Variants in KIAA0232 observed in about 807,000 individuals in gnomAD.
The protein encoded by KIAA0232 is uncharacterized protein KIAA0232.
KIAA0232 carries 27 observed loss-of-function variants against 122.0 expected under a neutral mutation model. The observed-to-expected ratio is 0.22, with a 90% CI of 0.16 to 0.31. The LOEUF is 0.31. KIAA0232 is among the 10% of genes least tolerant of loss of function. The probability of loss-of-function intolerance (pLI) is 1.00; values close to 1 mark genes in which losing one functional copy is unlikely to be tolerated. For synonymous variants in KIAA0232, 613 were observed against 587.6 expected, an observed-to-expected ratio of 1.04 and a Z score of -0.63; for missense variants, 1,551 against 1,634.2, an observed-to-expected ratio of 0.95 and a Z score of 0.88.
chr4:6,873,534 G>A (rs544866418), intron 8 of KIAA0232, among the ~76,000 whole-genome samples: 1 of 152,176 alleles, frequency 6.6e-6, no homozygotes, highest in South Asian at 2.1e-4. Flanking sequence ...ATTCCTTGCA[G>A]TGGCATAGGA....
Position 6,788,127 on chromosome 4 carries a change from C to T in KIAA0232, c.-354+5286C>T, listed in dbSNP as rs1014862844. Among the ~76,000 whole-genome samples the T allele has an allele frequency of 2.0e-5, 3 of 152,188 alleles. No homozygotes were observed. In the East Asian group the frequency reaches 5.8e-4, roughly 29 times the overall value. On this transcript the variant is annotated intron_variant, in intron 1 of 9. Transcript: ENST00000307659. ...CATCTTGGCTCACTGCAACTTCCAC[C>T]TCCCTTCCTCCTGCTGCCTTGGCCT...
At chr4:6,835,839 G>A (rs867039714) in intron 3 of KIAA0232, among the ~76,000 whole-genome samples, 2 of 152,142 alleles carry the variant, frequency 1.3e-5, no homozygotes, top group Non-Finnish European at 2.9e-5. Flanking sequence ...TGGTGTATAT[G>A]TGCCACATTT....
rs565391790 is a variant in KIAA0232 at position 6,786,872 on chromosome 4, A to G, written c.-354+4031A>G. 6.3e-4 allele frequency among the ~76,000 whole-genome samples: 96 copies of G among 152,264 alleles called. 1 individual carries two copies. Among genetic ancestry groups the G allele is most frequent in the Admixed American group, 1.6e-3 (24 of 15,276 alleles). On this transcript the variant is annotated intron_variant, in intron 1 of 9. Coordinates refer to ENST00000307659, the MANE Select transcript of KIAA0232 (RefSeq NM_014743.3). ...CCATTTTTTGGGCAGAGGGAACCAG[A>G]GCACAAGGTTAAAAATATTCCTTGT... is the stretch of plus-strand genomic sequence containing the variant.
intron 7 of KIAA0232, among the ~76,000 whole-genome samples, chr4:6,870,803 G>GA (rs11461019): frequency 0.78 from 112,647 of 143,724 alleles, 45,125 homozygotes; most frequent in Non-Finnish European, 0.9. Flanking sequence ...CTCTGTCTTG[G>GA]AAAAAAAAAA....
At chr4:6,843,357 G>T (rs186762825) in intron 4 of KIAA0232, among the ~76,000 whole-genome samples, 1 of 152,160 alleles carries the variant, frequency 6.6e-6, no homozygotes, top group Non-Finnish European at 1.5e-5. Context: ...TGTTGCGATC[G>T]TTGGCTTTGT....
At chr4:6,833,031 C>G (rs1159399511) in intron 3 of KIAA0232, among the ~76,000 whole-genome samples, 1 of 152,180 alleles carries the variant, frequency 6.6e-6, no homozygotes, top group African/African-American at 2.4e-5. Context: ...TTCAACAGAC[C>G]TTATTTGCTC....
At chr4:6,801,894 A>T (rs925849507) in intron 1 of KIAA0232, among the ~76,000 whole-genome samples, 2 of 152,208 alleles carry the variant, frequency 1.3e-5, no homozygotes, top group African/African-American at 4.8e-5. Context: ...AGTTATTTGT[A>T]TACATGCCAC....
chr4:6,828,510 G>A (rs936772928), intron 3 of KIAA0232, among the ~76,000 whole-genome samples: 2 of 152,064 alleles, frequency 1.3e-5, no homozygotes, highest in African/African-American at 4.8e-5. Flanking sequence ...TTCTTTTATT[G>A]ATATATAATA....
Position 6,847,797 on chromosome 4 carries a change from A to G in KIAA0232, c.369+5593A>G, listed in dbSNP as rs78774522. ...CTAAGCTGTCTGTTTCATTCCTGTT[A>G]TGACCGGACCTGGCATATACCTGGT... On this transcript the variant is annotated intron_variant, in intron 4 of 9. Transcript: ENST00000307659. Among the ~76,000 whole-genome samples, 5 of 151,990 alleles carry G rather than the reference A, an allele frequency of 3.3e-5. No individual in the cohort carries two copies. In the East Asian group the frequency reaches 9.7e-4, roughly 29 times the overall value.
chr4:6,812,558 G>A lies in KIAA0232; in HGVS notation c.-270+7952G>A, dbSNP rs576238800. Among the ~76,000 whole-genome samples the A allele has an allele frequency of 3.3e-5, 5 of 152,262 alleles. No individual in the cohort carries two copies. In the South Asian group the frequency reaches 1.0e-3, roughly 32 times the overall value. On this transcript the variant is annotated intron_variant, in intron 2 of 9. Coordinates refer to ENST00000307659, the MANE Select transcript of KIAA0232 (RefSeq NM_014743.3). ...TAATAAGCACACCAAAATACTAACA[G>A]TGAATATTAGGTGCTGAAATTATGT...
At chr4:6,870,783 CAG>C (rs1721434106) in intron 7 of KIAA0232, among the ~76,000 whole-genome samples, 2 of 146,396 alleles carry the variant, frequency 1.4e-5, no homozygotes, top group Non-Finnish European at 3.0e-5. Flanking sequence ...GCCTGGGTGA[CAG>C]AGTGAGACTC....
intron 8 of KIAA0232, among the ~76,000 whole-genome samples, chr4:6,876,410 A>G (rs1262955625): frequency 6.6e-6 from 1 of 152,132 alleles, no homozygotes; most frequent in African/African-American, 2.4e-5. Flanking sequence ...ACAGGAGTGT[A>G]TGGTTATGCT....
Position 6,862,585 on chromosome 4 carries a change from A to G in KIAA0232, c.2203A>G (p.Thr735Ala). ...ATTAAATATTCAGTTTGAAGAATCC[A>G]CACAGTTTAATGCCGAAGATATTAA... ...ETLNIQFEES[T>A]QFNAEDINYV... The change falls in exon 7 of 10, where the codon ACA (threonine) becomes GCA (alanine). Residue 735 changes from threonine (T) to alanine (A), a missense_variant. Around this residue, in one of 5 missense-constraint regions of KIAA0232, gnomAD observed 1,108 missense variants for 1,154.8 expected, o/e 0.96. Transcript: ENST00000307659. The G allele has an allele frequency of 1.5e-5, 25 of 1,613,958 alleles. No homozygotes were observed. The highest frequency in any genetic ancestry group is 2.1e-5 in the Non-Finnish European group (25 of 1,179,962).
intron 1 of KIAA0232, among the ~76,000 whole-genome samples, chr4:6,783,322 C>T (rs1577347599): frequency 1.3e-5 from 2 of 152,216 alleles, no homozygotes; most frequent in Non-Finnish European, 2.9e-5. Context: ...CCCGGGTGGG[C>T]TGTGGACGAT....
intron 3 of KIAA0232, among the ~76,000 whole-genome samples, chr4:6,833,826 A>G (rs1719122185): frequency 6.6e-6 from 1 of 152,162 alleles, no homozygotes; most frequent in South Asian, 2.1e-4. Context: ...TTATAGGGTG[A>G]AAAAACTTGT....
intron 7 of KIAA0232, 94 bp downstream of exon 7, chr4:6,864,277 A>G: frequency 7.4e-7 from 1 of 1,349,224 alleles, no homozygotes; most frequent in East Asian, 2.3e-5. Context: ...GGGTTAAATT[A>G]TTGGGAAATT....
At chr4:6,792,790 C>T (rs568310639) in intron 1 of KIAA0232, among the ~76,000 whole-genome samples, 16 of 151,012 alleles carry the variant, frequency 1.1e-4, no homozygotes, top group East Asian at 7.8e-4. Flanking sequence ...CCTGGGTTCA[C>T]GCCATTCTCC....
chr4:6,806,600 G>C (rs1014429092), intron 2 of KIAA0232, among the ~76,000 whole-genome samples: 1 of 151,746 alleles, frequency 6.6e-6, no homozygotes, highest in Non-Finnish European at 1.5e-5. Context: ...CGGGTGTGGT[G>C]GTGGGCGTCT....
chr4:6,837,954 G>C (rs1040367236), intron 3 of KIAA0232, among the ~76,000 whole-genome samples: 3 of 151,660 alleles, frequency 2.0e-5, no homozygotes, highest in Middle Eastern at 3.2e-3. Context: ...AGGCAGAGGC[G>C]GTTGTTTGTT....
Sources: allele counts gnomAD v4.1 joint callset (sites outside exome capture counted in the v4.1 genomes callset), GRCh38; gene constraint gnomAD v4.1.1; regional missense constraint gnomAD v4.1.1; transcripts MANE v1.5; gene names NCBI Gene and HGNC (gene_info 2026-07-23, HGNC 2026-07-21).